Variants in EVL observed in about 807,000 individuals in gnomAD.
EVL encodes Enah/Vasp-like, also known as ena/VASP-like protein.
EVL carries 21 observed loss-of-function variants against 59.6 expected under a neutral mutation model. The observed-to-expected ratio is 0.35, with a 90% CI of 0.25 to 0.51. The LOEUF is 0.51. Among genes scored for constraint, EVL ranks in the 20% least tolerant of loss-of-function variants. The probability of loss-of-function intolerance (pLI) is 0.97; values close to 1 mark genes in which losing one functional copy is unlikely to be tolerated. For missense variants in EVL, 462 were observed against 546.6 expected, an observed-to-expected ratio of 0.85 and a Z score of 1.54; for synonymous variants, 198 against 203.5, an observed-to-expected ratio of 0.97 and a Z score of 0.23.
At chr14:100,115,399 G>T (rs1887273404) in intron 3 of EVL, among the ~76,000 whole-genome samples, 2 of 152,154 alleles carry the variant, frequency 1.3e-5, no homozygotes, top group South Asian at 4.1e-4. Context: ...GCAGCACCAG[G>T]CCCCCTGCTG....
intron 11 of EVL, chr14:100,138,084 C>T (rs1375889566): frequency 3.7e-6 from 2 of 544,124 alleles, no homozygotes; most frequent in Non-Finnish European, 6.6e-6. Flanking sequence ...GGACTCACTA[C>T]GTGTGACAGT....
chr14:99,991,960 C>G lies in EVL; in HGVS notation c.5+19903C>G, dbSNP rs867019564. Reference sequence around the variant, plus strand: ...CCCCTGCATTGTTTGAGGGTCAACTCTGTGTGTGTGTGTGTGTGTGTGTGT... The same window carrying G: ...CCCCTGCATTGTTTGAGGGTCAACTGTGTGTGTGTGTGTGTGTGTGTGTGT... On this transcript the variant is annotated intron_variant, in intron 1 of 13. Transcript: ENST00000402714. Among the ~76,000 whole-genome samples the G allele has an allele frequency of 9.4e-3, 1,357 of 144,334 alleles. 17 individuals carry two copies. The highest frequency in any genetic ancestry group is 0.033 in the African/African-American group (1,270 of 38,756). 94.7% of individuals were successfully genotyped at this position (144,334 alleles called of 152,430 possible).
intron 1 of EVL, among the ~76,000 whole-genome samples, chr14:99,996,942 G>A (rs1264450534): frequency 6.6e-6 from 1 of 152,222 alleles, no homozygotes; most frequent in Non-Finnish European, 1.5e-5. Context: ...GAGCCACTGC[G>A]CTCGGCCTAC....
intron 1 of EVL, among the ~76,000 whole-genome samples, chr14:100,069,668 C>G (rs1259324683): frequency 6.6e-6 from 1 of 152,252 alleles, no homozygotes; most frequent in East Asian, 1.9e-4. Context: ...CCATGTGCCT[C>G]TAGTTGAGAA....
chr14:100,099,280 T>A (rs368789906), intron 3 of EVL, among the ~76,000 whole-genome samples: 64 of 152,060 alleles, frequency 4.2e-4, no homozygotes, highest in African/African-American at 1.4e-3. Context: ...TTGTGGTGCA[T>A]GCCTGCAATT....
At chr14:100,028,134 GTT>G (rs137903594) in intron 1 of EVL, among the ~76,000 whole-genome samples, 5 of 118,734 alleles carry the variant, frequency 4.2e-5, no homozygotes, top group African/African-American at 6.6e-5. Context: ...TTGTTTGTTT[GTT>G]TTTTTTTTTT....
chr14:100,077,752 T>TA (rs2062194954), intron 1 of EVL, among the ~76,000 whole-genome samples: 1 of 152,142 alleles, frequency 6.6e-6, no homozygotes, highest in African/African-American at 2.4e-5. Flanking sequence ...ACCTGACTCT[T>TA]ACAGTGCATA....
At chr14:99,996,201 CTG>C (rs2060912609) in intron 1 of EVL, among the ~76,000 whole-genome samples, 1 of 150,520 alleles carries the variant, frequency 6.6e-6, no homozygotes, top group Non-Finnish European at 1.5e-5. Context: ...TGGGGAGAGG[CTG>C]TGGAAAGTAT....
chr14:100,082,919 G>A (rs1397480175), intron 1 of EVL, among the ~76,000 whole-genome samples: 1 of 152,194 alleles, frequency 6.6e-6, no homozygotes, highest in Non-Finnish European at 1.5e-5. Flanking sequence ...CAGCGGCTGG[G>A]AGCAGCATGG....
Position 99,972,622 on chromosome 14 carries a change from C to T in EVL, c.5+565C>T, listed in dbSNP as rs1250952166. On this transcript the variant is annotated intron_variant, in intron 1 of 13. Transcript: ENST00000402714. This position sits in a 1 kb window ranked among gnomAD's most constrained non-coding sequence, Gnocchi z 4.4. ...CCCCCCTTTTTTTTCTTCTTGCACG[C>T]CAGTAAAGTGCAAGGCCCCCAAATG... Among the ~76,000 whole-genome samples the T allele has an allele frequency of 6.6e-6, 1 of 152,248 alleles. No homozygotes were observed. Among genetic ancestry groups the T allele is most frequent in the East Asian group, 1.9e-4 (1 of 5,180 alleles).
intron 1 of EVL, among the ~76,000 whole-genome samples, chr14:99,973,208 A>G (rs529111379): frequency 6.6e-6 from 1 of 152,330 alleles, no homozygotes; most frequent in Admixed American, 6.5e-5. Flanking sequence ...GGTAAACACC[A>G]AGTTGCCAAA....
At chr14:100,005,110 G>A (rs2060970218) in intron 1 of EVL, among the ~76,000 whole-genome samples, 1 of 152,206 alleles carries the variant, frequency 6.6e-6, no homozygotes, top group Admixed American at 6.5e-5. Context: ...CAGTGAAAAA[G>A]ATATGATCTG....
At chr14:100,025,988 C>T (rs2061203923) in intron 1 of EVL, among the ~76,000 whole-genome samples, 2 of 151,940 alleles carry the variant, frequency 1.3e-5, no homozygotes, top group Admixed American at 1.3e-4. Flanking sequence ...CAGTGGCTCA[C>T]GCTTGTAATC....
chr14:100,004,225 C>A (rs202061248), intron 1 of EVL, among the ~76,000 whole-genome samples: 4 of 152,036 alleles, frequency 2.6e-5, no homozygotes, highest in South Asian at 2.1e-4. Flanking sequence ...ACCAACCAAC[C>A]AACAAACAAA....
chr14:99,978,596 T>A (rs1488703074), intron 1 of EVL, among the ~76,000 whole-genome samples: 1 of 152,218 alleles, frequency 6.6e-6, no homozygotes, highest in Admixed American at 6.5e-5. Flanking sequence ...TACCTGTACC[T>A]GAAGTACTTG....
chr14:99,982,030 A>C (rs575118621), intron 1 of EVL, among the ~76,000 whole-genome samples: 1 of 152,306 alleles, frequency 6.6e-6, no homozygotes, highest in South Asian at 2.1e-4. Flanking sequence ...GAGGGTGAGA[A>C]GAGTGGCCGG....
At chr14:100,024,625 T>C (rs2061180230) in intron 1 of EVL, among the ~76,000 whole-genome samples, 1 of 152,144 alleles carries the variant, frequency 6.6e-6, no homozygotes, top group Non-Finnish European at 1.5e-5. Flanking sequence ...CTTGTGCTCC[T>C]CCTCTAGACC....
rs200560622 is a variant in EVL at position 100,082,427 on chromosome 14, TC to T, written c.12-2258del. ...TGTGGCTGATGGAAGGAAGCGCTCT[TC>T]CTTCAGCTATCCGGTGGGTTGTCAC... On this transcript the variant is annotated intron_variant, in intron 1 of 13. Transcript: ENST00000392920. Among the ~76,000 whole-genome samples, 41 of 152,296 alleles carry T rather than the reference TC, an allele frequency of 2.7e-4. No individual in the cohort carries two copies. In the East Asian group the frequency reaches 7.7e-3, roughly 29 times the overall value.
chr14:100,050,807 A>G (rs1286114087), intron 1 of EVL, among the ~76,000 whole-genome samples: 1 of 146,932 alleles, frequency 6.8e-6, no homozygotes, highest in African/African-American at 2.5e-5. Context: ...AAATAGTAAG[A>G]TCATAGCTCA....
Sources: allele counts gnomAD v4.1 joint callset (sites outside exome capture counted in the v4.1 genomes callset), GRCh38; gene constraint gnomAD v4.1.1; non-coding constraint Gnocchi (gnomAD v3.1); transcripts MANE v1.5; gene names NCBI Gene and HGNC (gene_info 2026-07-23, HGNC 2026-07-21).